TRPM4: variants seen among roughly 807,000 people sequenced by gnomAD.
TRPM4 encodes the protein transient receptor potential cation channel subfamily M member 4, also known as calcium-activated non-selective cation channel 1.
Under a neutral mutation model 135.6 loss-of-function variants are expected in TRPM4, and 124 were observed. The observed-to-expected ratio is 0.91, with a 90% CI of 0.79 to 1.06. TRPM4 has a LOEUF of 1.06. TRPM4 is among the 50% of genes least tolerant of loss of function. The pLI, the probability that TRPM4 is intolerant of heterozygous loss-of-function variation, is 0.00. For synonymous variants in TRPM4, 745 were observed against 705.6 expected, an observed-to-expected ratio of 1.06 and a Z score of -0.88; for missense variants, 1,658 against 1,671.4, an observed-to-expected ratio of 0.99 and a Z score of 0.14.
Position 49,197,473 on chromosome 19 carries a change from C to CTCCTTCCTTCCTTCCTTCCTTCCT in TRPM4, c.2645+618_2645+641dup, listed in dbSNP as rs59760626. Among the ~76,000 whole-genome samples the CTCCTTCCTTCCTTCCTTCCTTCCT allele has an allele frequency of 3.1e-4, 36 of 114,934 alleles. 1 individual carries two copies. The highest frequency in any genetic ancestry group is 7.7e-4 in the African/African-American group (23 of 29,708). 75.4% of individuals were successfully genotyped at this position (114,934 alleles called of 152,430 possible). A position where few individuals can be genotyped will look rare whatever the true frequency, so the allele number is the denominator to read the frequency against. ...GTCCTCTGCCCCTCTGCCTCCCTCC[C>CTCCTTCCTTCCTTCCTTCCTTCCT]TCCTTCCTTCCTTCCTTCCTTCCTT... On this transcript the variant is annotated intron_variant, in intron 17 of 24. Coordinates refer to ENST00000252826, the MANE Select transcript of TRPM4 (RefSeq NM_017636.4).
intron 20 of TRPM4, among the ~76,000 whole-genome samples, chr19:49,205,845 C>CATAG (rs1377570400): frequency 6.6e-6 from 1 of 151,814 alleles, no homozygotes; most frequent in Non-Finnish European, 1.5e-5. Flanking sequence ...CGGACTTCAA[C>CATAG]ATATCTTTAG....
intron 12 of TRPM4, 122 bp downstream of exon 12, chr19:49,183,334 CG>C: frequency 8.1e-7 from 1 of 1,241,418 alleles, no homozygotes; most frequent in Admixed American, 1.9e-5. Flanking sequence ...CCCCATCCTC[CG>C]TCGCTGATAT....
chr19:49,197,312 CTTTCTTTCTT>C (rs1184666613), intron 17 of TRPM4, among the ~76,000 whole-genome samples: 56 of 48,272 alleles, frequency 1.2e-3, no homozygotes, highest in African/African-American at 2.2e-3. Flanking sequence ...CTTTCTTTTT[CTTTCTTTCTT>C]TCTTTCTTTC....
chr19:49,190,262 GC>G lies in TRPM4; in HGVS notation c.2077del (p.Leu693TrpfsTer30). The G allele has an allele frequency of 6.2e-7, 1 of 1,614,166 alleles. No individual in the cohort carries two copies. Among genetic ancestry groups the G allele is most frequent in the South Asian group, 1.1e-5 (1 of 91,082 alleles). ...GDMASTTPIWALVLAFFCPPL... is the reference protein window; with the variant it reads ...GDMASTTPIWXLVLAFFCPPL... Reference sequence around the variant, plus strand: ...TATGGCCAGCACTACACCCATCTGGGCCCTGGTTCTCGCCTTCTTTTGCCCT... The same window carrying G: ...TATGGCCAGCACTACACCCATCTGGGCCTGGTTCTCGCCTTCTTTTGCCCT... On this transcript the variant is annotated frameshift_variant, in exon 15 of 25. Transcript: ENST00000252826. LOFTEE classifies it high-confidence loss of function.
At chr19:49,183,435 C>T (rs1968076960) in intron 12 of TRPM4, among the ~76,000 whole-genome samples, 1 of 152,100 alleles carries the variant, frequency 6.6e-6, no homozygotes, top group Non-Finnish European at 1.5e-5. Flanking sequence ...CTCGCTCTGT[C>T]GCCCAGGCTG....
At chr19:49,161,331 T>C (rs1411715657) in intron 2 of TRPM4, among the ~76,000 whole-genome samples, 1 of 146,128 alleles carries the variant, frequency 6.8e-6, no homozygotes, top group African/African-American at 2.5e-5. Context: ...CTCTTTTTTT[T>C]TTTTTTTTTT....
intron 16 of TRPM4, among the ~76,000 whole-genome samples, chr19:49,194,282 T>C (rs1968541470): frequency 6.6e-6 from 1 of 152,120 alleles, no homozygotes; most frequent in South Asian, 2.1e-4. Context: ...TGAGACAGGA[T>C]CTTGATCTGT....
chr19:49,190,493 A>T (rs1968370667), intron 15 of TRPM4, among the ~76,000 whole-genome samples, 173 bp downstream of exon 15: 1 of 149,682 alleles, frequency 6.7e-6, no homozygotes, highest in African/African-American at 2.5e-5. Flanking sequence ...TTTGGGGGGG[A>T]TCCTCCCTGT....
chr19:49,203,517 T>C (rs1227691358), intron 20 of TRPM4, among the ~76,000 whole-genome samples: 1 of 152,132 alleles, frequency 6.6e-6, no homozygotes, highest in Non-Finnish European at 1.5e-5. Flanking sequence ...GTCAGTGACA[T>C]TAATTACATT....
chr19:49,211,276 G>T lies in TRPM4; in HGVS notation c.3640+7G>T. 3 of 1,579,710 alleles carry T rather than the reference G, an allele frequency of 1.9e-6. No homozygotes were observed. Among genetic ancestry groups the T allele is most frequent in the South Asian group, 2.3e-5 (2 of 87,670 alleles). On this transcript the variant is annotated splice_region_variant and intron_variant, in intron 24 of 24. Coordinates refer to ENST00000252826, the MANE Select transcript of TRPM4 (RefSeq NM_017636.4). The surrounding 1 kb of genome is among the most constrained non-coding windows in gnomAD (Gnocchi z 4.8). ...GACCTGCCTGGGTCCAAAGGTCAGTGTGTAGCATCAGCCTGTGCATCTCCA... is the reference window on the plus strand; with the variant it reads ...GACCTGCCTGGGTCCAAAGGTCAGTTTGTAGCATCAGCCTGTGCATCTCCA...
chr19:49,169,432 G>A lies in TRPM4; in HGVS notation c.796+696G>A, dbSNP rs981566833. ...CCTGAGTAGCTGGGATTACAGGCAC[G>A]TGCCATCACACCCGGCTAATTTTTG... On this transcript the variant is annotated intron_variant, in intron 6 of 24. Coordinates refer to ENST00000252826, the MANE Select transcript of TRPM4 (RefSeq NM_017636.4). 5.2e-4 allele frequency among the ~76,000 whole-genome samples: 41 copies of A among 79,358 alleles called. 3 individuals are homozygous for A. Among genetic ancestry groups the A allele is most frequent in the African/African-American group, 1.9e-3 (35 of 18,168 alleles). The allele number at this position is 79,358 out of a possible 152,430, so 52.1% of individuals were successfully genotyped here.
At chr19:49,186,774 G>A (rs763914033) in intron 12 of TRPM4, among the ~76,000 whole-genome samples, 21 of 152,062 alleles carry the variant, frequency 1.4e-4, no homozygotes, top group Non-Finnish European at 2.8e-4. Flanking sequence ...TCGGGAGGCT[G>A]AGGCAGGAGA....
rs1968652069 is a variant in TRPM4 at position 49,196,603 on chromosome 19, C to CT, written c.2375dup (p.Phe793ValfsTer166). ...CATGGGCAACGTGGTCAGCTACCTGCTGTTCCTGCTGCTTTTCTCGCGGGT... is the reference window on the plus strand; with the variant it reads ...CATGGGCAACGTGGTCAGCTACCTGCTTGTTCCTGCTGCTTTTCTCGCGGGT... On this transcript the variant is annotated frameshift_variant, in exon 17 of 25. Coordinates refer to ENST00000252826, the MANE Select transcript of TRPM4 (RefSeq NM_017636.4). LOFTEE classifies it high-confidence loss of function. The CT allele has an allele frequency of 1.3e-6, 2 of 1,556,180 alleles. No homozygotes were observed. Among genetic ancestry groups the CT allele is most frequent in the East Asian group, 4.8e-5 (2 of 42,000 alleles).
intron 1 of TRPM4, 114 bp from the exon 2 acceptor site, chr19:49,158,078 C>T: frequency 2.3e-6 from 3 of 1,307,206 alleles, no homozygotes; most frequent in Non-Finnish European, 3.3e-6. Flanking sequence ...GCGCTGGGGG[C>T]CCGGACTCCT....
Position 49,182,942 on chromosome 19 carries a change from G to T in TRPM4, c.1608+20G>T. 2 of 1,578,468 alleles carry T rather than the reference G, an allele frequency of 1.3e-6. No individual in the cohort carries two copies. Among genetic ancestry groups the T allele is most frequent in the Middle Eastern group, 2.2e-4 (1 of 4,630 alleles). ...GAGAGCGTAAGGACCGGGCAAAGCT[G>T]GGGGGCCCCCCCGCGCGGGAAGGAC... On this transcript the variant is annotated intron_variant, in intron 11 of 24. Coordinates refer to ENST00000252826, the MANE Select transcript of TRPM4 (RefSeq NM_017636.4).
At chr19:49,205,110 C>T (rs1407309192) in intron 20 of TRPM4, among the ~76,000 whole-genome samples, 2 of 151,802 alleles carry the variant, frequency 1.3e-5, no homozygotes, top group Non-Finnish European at 2.9e-5. Flanking sequence ...GCACAAGCCC[C>T]TGTGCTGGAC....
intron 16 of TRPM4, among the ~76,000 whole-genome samples, chr19:49,191,560 G>A (rs984271844): frequency 2.6e-5 from 4 of 151,992 alleles, no homozygotes; most frequent in African/African-American, 9.7e-5. Context: ...CTGTCGACCA[G>A]GCTGGAGTGC....
chr19:49,183,551 C>G (rs187620504), intron 12 of TRPM4, among the ~76,000 whole-genome samples: 1 of 152,024 alleles, frequency 6.6e-6, no homozygotes, highest in Non-Finnish European at 1.5e-5. Context: ...CACCTGCCCC[C>G]ACGCCTGGCT....
intron 14 of TRPM4, among the ~76,000 whole-genome samples, chr19:49,189,358 A>G (rs1414643572): frequency 1.3e-5 from 2 of 152,208 alleles, no homozygotes; most frequent in Admixed American, 6.5e-5. Context: ...TGACCCTGTC[A>G]GGAAATTCCA....
Sources: gnomAD v4.1 joint callset for allele counts (sites outside exome capture counted in the v4.1 genomes callset) on GRCh38, gnomAD v4.1.1 for gene constraint, Gnocchi (gnomAD v3.1) non-coding constraint, MANE v1.5 for transcripts, NCBI Gene and HGNC (gene_info 2026-07-23, HGNC 2026-07-21) for gene names.